The following STMND1 variants were observed in gnomAD, a reference collection of about 807,000 sequenced individuals.
The protein encoded by STMND1 is stathmin domain containing 1, also known as stathmin domain-containing protein 1.
A neutral mutation model predicts 23.0 loss-of-function variants in STMND1; 17 were observed. That is an observed-to-expected ratio of 0.74 (90% CI 0.51 to 1.11). The LOEUF is 1.11. STMND1 is among the 50% of genes least tolerant of loss of function. STMND1 has a pLI of 0.00. For missense variants in STMND1, 305 were observed against 329.1 expected (o/e 0.93, Z 0.57); for synonymous variants, 114 against 119.9 (o/e 0.95, Z 0.32).
Position 17,131,094 on chromosome 6 carries a change from C to G in STMND1, c.*213C>G. ...AAAAAAGAGCGAGGGGGAGACTTGA[C>G]CAGCATAGATATTTGGCACTCTCCT... On this transcript the variant is annotated 3_prime_UTR_variant, in exon 5 of 5. Transcript: ENST00000536551. The G allele has an allele frequency of 2.1e-6, 1 of 480,530 alleles. No individual in the cohort carries two copies. The highest frequency in any genetic ancestry group is 3.6e-6 in the Non-Finnish European group (1 of 276,096). The allele number at this position is 480,530 out of a possible 1,614,324, so 29.8% of individuals were successfully genotyped here.
intron 1 of STMND1, among the ~76,000 whole-genome samples, chr6:17,104,375 G>A (rs1760988057): frequency 6.6e-6 from 1 of 152,062 alleles, no homozygotes; most frequent in African/African-American, 2.4e-5. Flanking sequence ...TCAACAGAAA[G>A]AAATGGGTTT....
At chr6:17,102,699 G>A (rs879345972) in intron 1 of STMND1, among the ~76,000 whole-genome samples, 1 of 152,184 alleles carries the variant, frequency 6.6e-6, no homozygotes, top group Non-Finnish European at 1.5e-5. Context: ...CAGAGCTAGT[G>A]TTGACCGTGA....
At chr6:17,105,955 C>T (rs1761018583) in intron 1 of STMND1, among the ~76,000 whole-genome samples, 2 of 151,988 alleles carry the variant, frequency 1.3e-5, no homozygotes, top group South Asian at 4.2e-4. Context: ...ATCCTAAATC[C>T]TTACTTAGCA....
chr6:17,124,855 T>C (rs1194183660), intron 3 of STMND1, among the ~76,000 whole-genome samples: 1 of 150,444 alleles, frequency 6.6e-6, no homozygotes, highest in Non-Finnish European at 1.5e-5. Context: ...AAAAATTAGC[T>C]GGGCATGGTG....
At chr6:17,106,344 G>A (rs1035404339) in intron 1 of STMND1, among the ~76,000 whole-genome samples, 1 of 152,120 alleles carries the variant, frequency 6.6e-6, no homozygotes, top group Non-Finnish European at 1.5e-5. Flanking sequence ...CCTCCTTGAG[G>A]ACAGGCACTG....
chr6:17,104,052 G>A (rs1200603273), intron 1 of STMND1, among the ~76,000 whole-genome samples: 1 of 152,010 alleles, frequency 6.6e-6, no homozygotes, highest in African/African-American at 2.4e-5. Context: ...GCCAGTGCCT[G>A]TCACTCATGG....
chr6:17,108,163 AG>A (rs1363996526), intron 1 of STMND1, among the ~76,000 whole-genome samples: 2 of 152,264 alleles, frequency 1.3e-5, no homozygotes, highest in Admixed American at 1.3e-4. Flanking sequence ...AAGTAAGAAC[AG>A]ATGGGTAGAG....
Position 17,130,845 on chromosome 6 carries a change from CAT to C in STMND1, c.796_797del (p.Met266ValfsTer7). On this transcript the variant is annotated frameshift_variant, in exon 5 of 5. Transcript: ENST00000536551. LOFTEE classifies it high-confidence loss of function. The stretch of plus-strand genomic sequence containing the variant: ...AAAGTTTTGGGGTCGTGGAGTCAGA[CAT>C]GTCCTACAACCAAGCAGATGACATA... Reference protein sequence around the residue: ...DESFGVVESDMSYNQADDIVY With the variant: ...DESFGVVESDXSYNQADDIVY 1 of 1,534,906 alleles carries C rather than the reference CAT, an allele frequency of 6.5e-7. No individual in the cohort carries two copies. The highest frequency in any genetic ancestry group is 8.7e-7 in the Non-Finnish European group (1 of 1,146,274).
chr6:17,128,916 T>C (rs2113496372), intron 3 of STMND1, 196 bp from the exon 4 acceptor site: 1 of 453,578 alleles, frequency 2.2e-6, no homozygotes, highest in African/African-American at 2.0e-5. Flanking sequence ...TTTCACTATG[T>C]TGCCCAGGCT....
chr6:17,123,213 AAAT>A (rs1264959012), intron 3 of STMND1, among the ~76,000 whole-genome samples: 1 of 152,178 alleles, frequency 6.6e-6, no homozygotes, highest in Non-Finnish European at 1.5e-5. Context: ...ACCTTTAAAA[AAAT>A]AATAACTGTG....
chr6:17,126,033 T>TA (rs1561925644), intron 3 of STMND1, among the ~76,000 whole-genome samples: 2 of 73,822 alleles, frequency 2.7e-5, no homozygotes, highest in African/African-American at 1.3e-4. Flanking sequence ...TGATCATTGT[T>TA]TTATATATAT....
Position 17,102,278 on chromosome 6 carries a change from A to G in STMND1, c.21A>G (p.Gln7=), listed in dbSNP as rs1357430441. 5 of 1,535,910 alleles carry G rather than the reference A, an allele frequency of 3.3e-6. No homozygotes were observed. In the Admixed American group the frequency reaches 5.9e-5, roughly 18 times the overall value. Residue 7 remains glutamine (Q), a synonymous_variant, in exon 1 of 5, where the codon CAA becomes CAG. Transcript: ENST00000536551. ...GCAGCATGGGCTGTGGACCTTCCCAACCTGCTGAAGACCGGAGACGTGTAC... is the reference window on the plus strand; with the variant it reads ...GCAGCATGGGCTGTGGACCTTCCCAGCCTGCTGAAGACCGGAGACGTGTAC... MGCGPS[Q]PAEDRRRVRA... is the part of the protein sequence containing the mutation.
intron 1 of STMND1, among the ~76,000 whole-genome samples, chr6:17,105,288 G>A (rs775391069): frequency 3.9e-5 from 6 of 152,176 alleles, no homozygotes; most frequent in Non-Finnish European, 7.3e-5. Flanking sequence ...TATAAGTCAA[G>A]TGCTCATACC....
At chr6:17,112,395 G>A (rs1244003929) in intron 1 of STMND1, among the ~76,000 whole-genome samples, 1 of 151,958 alleles carries the variant, frequency 6.6e-6, no homozygotes, top group East Asian at 1.9e-4. Flanking sequence ...TTCCACTTTT[G>A]GGGTATTATA....
intron 2 of STMND1, among the ~76,000 whole-genome samples, chr6:17,116,077 T>C (rs1761155002): frequency 6.6e-6 from 1 of 152,194 alleles, no homozygotes; most frequent in Non-Finnish European, 1.5e-5. Context: ...GCAACTTCCC[T>C]CTAGACAGCA....
intron 1 of STMND1, among the ~76,000 whole-genome samples, chr6:17,113,450 C>T (rs2113480276): frequency 6.6e-6 from 1 of 152,264 alleles, no homozygotes; most frequent in Non-Finnish European, 1.5e-5. Flanking sequence ...AGGGTAATCT[C>T]CTTTACTTAA....
intron 3 of STMND1, among the ~76,000 whole-genome samples, chr6:17,123,766 A>G (rs1761261112): frequency 6.6e-6 from 1 of 152,164 alleles, no homozygotes; most frequent in African/African-American, 2.4e-5. Flanking sequence ...AAAATATACC[A>G]TTTCAGGAAT....
chr6:17,120,696 G>A lies in STMND1; in HGVS notation c.349G>A (p.Val117Ile), dbSNP rs569285178. 9.1e-5 allele frequency: 140 copies of A among 1,535,404 alleles called. No individual in the cohort carries two copies. The African/African-American group carries it at 1.6e-3, about 18-fold the overall frequency. ...KSSDILEELI[V>I]QGIIQSHSKV... Reference sequence around the variant, plus strand: ...ATCAGATATCCTGGAGGAACTAATTGTTCAAGGAATTATACAAAGCCACAG... The same window carrying A: ...ATCAGATATCCTGGAGGAACTAATTATTCAAGGAATTATACAAAGCCACAG... The change falls in exon 3 of 5, where the codon GTT becomes ATT. Residue 117 changes from valine to isoleucine, a missense_variant. By Grantham distance (29) the Val-to-Ile change is conservative. Transcript: ENST00000536551.
intron 1 of STMND1, among the ~76,000 whole-genome samples, chr6:17,113,111 A>G (rs1761115715): frequency 6.6e-6 from 1 of 152,250 alleles, no homozygotes; most frequent in African/African-American, 2.4e-5. Flanking sequence ...GCAATGATAT[A>G]CTAAAATGTT....
Sources: allele counts gnomAD v4.1 joint callset (sites outside exome capture counted in the v4.1 genomes callset), GRCh38; gene constraint gnomAD v4.1.1; transcripts MANE v1.5; gene names NCBI Gene and HGNC (gene_info 2026-07-23, HGNC 2026-07-21).